The following FNIP1 variants were observed in gnomAD, a reference collection of about 807,000 sequenced individuals.
FNIP1 encodes the protein folliculin interacting protein 1.
A neutral mutation model predicts 124.5 loss-of-function variants in FNIP1; 40 were observed. The observed-to-expected ratio is 0.32, with a 90% CI of 0.25 to 0.42. The LOEUF (loss-of-function observed/expected upper bound fraction) is 0.42. Ranked by LOEUF, FNIP1 falls within the 10% of genes least tolerant of loss-of-function variation. The pLI, the probability that FNIP1 is intolerant of heterozygous loss-of-function variation, is 1.00. For synonymous variants in FNIP1, 472 were observed against 470.6 expected, an observed-to-expected ratio of 1.00 and a Z score of -0.04; for missense variants, 1,176 against 1,403.7, an observed-to-expected ratio of 0.84 and a Z score of 2.59.
At position 131,679,062 on chromosome 5, in the gene FNIP1, A is replaced by T. The variant is rs765211199; in HGVS notation, c.1316T>A (p.Phe439Tyr). ...GGAAGCATTTTCCATTAGAAAGGTG[A>T]ACTCCTTCATGAAACGATAGCAAAG... ...NHLCYRFMKE[F>Y]TFLMENASKN... The change falls in exon 12 of 18, where the codon TTC becomes TAC. Residue 439 changes from phenylalanine to tyrosine, a missense_variant. Around this residue, in one of 2 missense-constraint regions of FNIP1, gnomAD observed 1,109 missense variants for 1,288.5 expected, o/e 0.86. Transcript: ENST00000510461. The T allele has an allele frequency of 3.1e-6, 5 of 1,612,074 alleles. 1 individual carries two copies. The East Asian group carries it at 1.1e-4, about 36-fold the overall frequency.
chr5:131,739,705 C>A (rs1196249924), intron 2 of FNIP1, among the ~76,000 whole-genome samples: 2 of 144,828 alleles, frequency 1.4e-5, no homozygotes, highest in Non-Finnish European at 3.0e-5. Flanking sequence ...CCCAGCTACT[C>A]GGGAGGCTGA....
At chr5:131,784,934 G>T (rs1471724730) in intron 1 of FNIP1, among the ~76,000 whole-genome samples, 1 of 147,048 alleles carries the variant, frequency 6.8e-6, no homozygotes, top group Non-Finnish European at 1.5e-5. Context: ...TTGAGGCACG[G>T]TGGGACAGGG....
intron 11 of FNIP1, among the ~76,000 whole-genome samples, chr5:131,681,687 A>G (rs1157534279): frequency 6.6e-6 from 1 of 151,988 alleles, no homozygotes; most frequent in East Asian, 1.9e-4. Context: ...AGGGATAGAA[A>G]AACAAAACAT....
intron 13 of FNIP1, among the ~76,000 whole-genome samples, chr5:131,674,456 T>A (rs1006622275): frequency 1.3e-5 from 2 of 152,124 alleles, no homozygotes; most frequent in Non-Finnish European, 2.9e-5. Context: ...GGCTTACACA[T>A]GTAATCCCAG....
rs1770066016 is a variant in FNIP1 at position 131,730,974 on chromosome 5, T to C, written c.284A>G (p.Asp95Gly). 1 of 1,612,528 alleles carries C rather than the reference T, an allele frequency of 6.2e-7. No individual in the cohort carries two copies. The highest frequency in any genetic ancestry group is 1.3e-5 in the African/African-American group (1 of 74,894). ...GKCCQLKPGGDSSSSLDSSVT... is the reference protein window; with the variant it reads ...GKCCQLKPGGGSSSSLDSSVT... ...AGAACTATCTAAAGAGGAAGAACTG[T>C]CTCCTCCAGGTTTCAGTTGGCAGCA... The change falls in exon 3 of 18, where the codon GAC becomes GGC. Residue 95 changes from aspartate to glycine, a missense_variant. Physicochemically the swap from Asp to Gly is moderately conservative, Grantham distance 94. Coordinates refer to ENST00000510461, the MANE Select transcript of FNIP1 (RefSeq NM_133372.3).
intron 15 of FNIP1, among the ~76,000 whole-genome samples, chr5:131,660,050 C>T (rs1167024565): frequency 6.6e-6 from 1 of 152,204 alleles, no homozygotes; most frequent in Admixed American, 6.5e-5. Context: ...CATCGTTGCC[C>T]GTGAAGCAGA....
At chr5:131,723,439 A>G (rs1561674417) in intron 3 of FNIP1, among the ~76,000 whole-genome samples, 2 of 152,340 alleles carry the variant, frequency 1.3e-5, no homozygotes, top group Non-Finnish European at 1.5e-5. Context: ...GAATTTTATG[A>G]CACCATATAG....
chr5:131,737,940 T>C (rs1194267814), intron 2 of FNIP1, among the ~76,000 whole-genome samples: 1 of 152,224 alleles, frequency 6.6e-6, no homozygotes, highest in Non-Finnish European at 1.5e-5. Flanking sequence ...AAGACAATTT[T>C]TCTGCAGACT....
intron 6 of FNIP1, among the ~76,000 whole-genome samples, chr5:131,714,807 G>T (rs1029971990): frequency 5.9e-5 from 9 of 152,236 alleles, no homozygotes; most frequent in Non-Finnish European, 8.8e-5. Context: ...TTAACTCTAA[G>T]AATTTACTAT....
intron 15 of FNIP1, among the ~76,000 whole-genome samples, chr5:131,660,743 CA>C (rs1767403597): frequency 6.6e-6 from 1 of 152,188 alleles, no homozygotes; most frequent in Non-Finnish European, 1.5e-5. Context: ...TGGGCAGTTA[CA>C]AATTTGGGGG....
Position 131,776,423 on chromosome 5 carries a change from C to T in FNIP1, c.92+20407G>A, listed in dbSNP as rs534376968. On this transcript the variant is annotated intron_variant, in intron 1 of 17. Coordinates refer to ENST00000510461, the MANE Select transcript of FNIP1 (RefSeq NM_133372.3). ...TATTCAGCATCTGTCCACCGAAAGA[C>T]ATATATAAAAATATTCATAGCAGCA... Among the ~76,000 whole-genome samples, 3 of 152,260 alleles carry T rather than the reference C, an allele frequency of 2.0e-5. No homozygotes were observed. In the East Asian group the frequency reaches 5.8e-4, roughly 29 times the overall value.
At chr5:131,668,556 G>C (rs189243254) in intron 15 of FNIP1, among the ~76,000 whole-genome samples, 127 of 152,152 alleles carry the variant, frequency 8.3e-4, no homozygotes, top group African/African-American at 3.0e-3. Flanking sequence ...GTGGTGGTGG[G>C]CACCTGTAAT....
intron 1 of FNIP1, among the ~76,000 whole-genome samples, chr5:131,762,703 T>C (rs1202952442): frequency 6.6e-6 from 1 of 151,974 alleles, no homozygotes; most frequent in Non-Finnish European, 1.5e-5. Context: ...TCAAAAAAAC[T>C]AAAAACAGAA....
intron 17 of FNIP1, among the ~76,000 whole-genome samples, chr5:131,645,996 T>C (rs1766868721): frequency 6.6e-6 from 1 of 152,200 alleles, no homozygotes; most frequent in Non-Finnish European, 1.5e-5. Context: ...TACTTTTCAT[T>C]GTATGCCAAA....
At chr5:131,779,417 C>T (rs573459439) in intron 1 of FNIP1, among the ~76,000 whole-genome samples, 1 of 152,024 alleles carries the variant, frequency 6.6e-6, no homozygotes, top group Admixed American at 6.5e-5. Context: ...TGGTGGCTTA[C>T]GCCTGTAATC....
chr5:131,701,202 G>A (rs1768891381), intron 10 of FNIP1, among the ~76,000 whole-genome samples: 1 of 152,096 alleles, frequency 6.6e-6, no homozygotes, highest in Non-Finnish European at 1.5e-5. Flanking sequence ...TAATGCCTCT[G>A]AAACCATGGC....
intron 2 of FNIP1, among the ~76,000 whole-genome samples, chr5:131,742,798 T>C (rs749827701): frequency 1.3e-5 from 2 of 152,164 alleles, no homozygotes; most frequent in Non-Finnish European, 2.9e-5. Context: ...TTTCCATATA[T>C]AGAACCCAGG....
chr5:131,742,383 G>C (rs1465426847), intron 2 of FNIP1, among the ~76,000 whole-genome samples: 2 of 152,144 alleles, frequency 1.3e-5, no homozygotes, highest in African/African-American at 4.8e-5. Flanking sequence ...AGAACTGCTT[G>C]AGCCTGGAGG....
intron 15 of FNIP1, among the ~76,000 whole-genome samples, chr5:131,668,868 C>A (rs1419758363): frequency 6.6e-6 from 1 of 152,032 alleles, no homozygotes; most frequent in Non-Finnish European, 1.5e-5. Context: ...ACAATTTGGC[C>A]CACTGTCCAT....
Sources: gnomAD v4.1 joint callset for allele counts (sites outside exome capture counted in the v4.1 genomes callset) on GRCh38, gnomAD v4.1.1 for gene constraint, gnomAD v4.1.1 regional missense constraint, MANE v1.5 for transcripts, NCBI Gene and HGNC (gene_info 2026-07-23, HGNC 2026-07-21) for gene names.